The following BCAS3 variants were observed in gnomAD, a reference collection of about 807,000 sequenced individuals.
BCAS3 encodes BCAS3 microtubule associated cell migration factor.
In BCAS3, 53 loss-of-function variants were observed where a neutral mutation model predicts 116.1. The observed-to-expected ratio is 0.46, with a 90% CI of 0.37 to 0.57. The LOEUF is 0.57. Ranked by LOEUF, BCAS3 falls within the 20% of genes least tolerant of loss-of-function variation. BCAS3 has a pLI of 0.00. For synonymous variants in BCAS3, 391 were observed against 408.2 expected (o/e 0.96, Z 0.51); for missense variants, 917 against 1,165.4 (o/e 0.79, Z 3.10).
chr17:60,754,867 A>AACTG (rs71148314), intron 6 of BCAS3, among the ~76,000 whole-genome samples: 11 of 151,692 alleles, frequency 7.3e-5, no homozygotes, highest in Non-Finnish European at 7.4e-5. Flanking sequence ...TGGCTAAACT[A>AACTG]TGAGATTTAG....
intron 6 of BCAS3, among the ~76,000 whole-genome samples, chr17:60,775,579 T>C (rs1358599942): frequency 2.3e-5 from 1 of 42,742 alleles, no homozygotes; most frequent in Non-Finnish European, 3.7e-5. Context: ...TATTTCAGAA[T>C]TTCTTTTTTT....
Position 61,140,324 on chromosome 17 carries a change from A to G in BCAS3, c.2425+55760A>G, listed in dbSNP as rs1489557711. ...GTTTGCTTTGAATATATAGCAAAGG[A>G]TATGTGAGGGATAGCTGTGGAAGAT... is the stretch of plus-strand genomic sequence containing the variant. On this transcript the variant is annotated intron_variant, in intron 22 of 23. Transcript: ENST00000407086. This position sits in a 1 kb window ranked among gnomAD's most constrained non-coding sequence, Gnocchi z 4.2. 6.6e-6 allele frequency among the ~76,000 whole-genome samples: 1 copy of G among 152,184 alleles called. No homozygotes were observed. Among genetic ancestry groups the G allele is most frequent in the African/African-American group, 2.4e-5 (1 of 41,444 alleles).
intron 22 of BCAS3, among the ~76,000 whole-genome samples, chr17:61,157,289 A>G (rs893649356): frequency 6.6e-6 from 1 of 152,152 alleles, no homozygotes; most frequent in Non-Finnish European, 1.5e-5. Context: ...CAGGTATAAA[A>G]ATGTCTTTTA....
At position 61,249,577 on chromosome 17, in the gene BCAS3, T is replaced by G. The variant is rs1377877537; in HGVS notation, c.2426-118750T>G. ...AGAATTGTGTCTCTGGCTGAAGAAATAGTTTGTTTTAGGAACGCCAATACA... is the reference window on the plus strand; with the variant it reads ...AGAATTGTGTCTCTGGCTGAAGAAAGAGTTTGTTTTAGGAACGCCAATACA... On this transcript the variant is annotated intron_variant, in intron 22 of 23. Coordinates refer to ENST00000407086, the MANE Select transcript of BCAS3 (RefSeq NM_017679.5). The surrounding 1 kb of genome is among the most constrained non-coding windows in gnomAD (Gnocchi z 6.2). Among the ~76,000 whole-genome samples, 1 of 152,124 alleles carries G rather than the reference T, an allele frequency of 6.6e-6. No homozygotes were observed. Among genetic ancestry groups the G allele is most frequent in the African/African-American group, 2.4e-5 (1 of 41,414 alleles).
intron 22 of BCAS3, among the ~76,000 whole-genome samples, chr17:61,167,444 G>C (rs1304478667): frequency 6.6e-6 from 1 of 152,138 alleles, no homozygotes; most frequent in African/African-American, 2.4e-5. Context: ...TCTCTCACCT[G>C]AACTAACTCT....
At chr17:61,209,906 T>C (rs908015319) in intron 22 of BCAS3, among the ~76,000 whole-genome samples, 1 of 152,308 alleles carries the variant, frequency 6.6e-6, no homozygotes, top group East Asian at 1.9e-4. Context: ...CCGCCCAATA[T>C]TCGTCTTTTC....
At chr17:60,890,252 G>A (rs553409477) in intron 10 of BCAS3, among the ~76,000 whole-genome samples, 211 of 152,162 alleles carry the variant, frequency 1.4e-3, no homozygotes, top group African/African-American at 4.9e-3. Context: ...TCAGGAGTTC[G>A]AGACCAGCCT....
chr17:60,862,156 G>A (rs1403451939), intron 7 of BCAS3, among the ~76,000 whole-genome samples: 1 of 152,108 alleles, frequency 6.6e-6, no homozygotes, highest in Admixed American at 6.5e-5. Flanking sequence ...GGTGGCAAGC[G>A]CCTGTAGTCC....
intron 5 of BCAS3, among the ~76,000 whole-genome samples, chr17:60,718,254 T>G (rs138397198): frequency 8.4e-4 from 126 of 149,876 alleles, no homozygotes; most frequent in African/African-American, 3.0e-3. Flanking sequence ...TTTACTATAC[T>G]TTTTTTTTTC....
chr17:61,376,947 G>C lies in BCAS3; in HGVS notation c.2593+8453G>C, dbSNP rs2059367623. On this transcript the variant is annotated intron_variant, in intron 23 of 23. Transcript: ENST00000407086. The surrounding 1 kb of genome is among the most constrained non-coding windows in gnomAD (Gnocchi z 4.5). Reference sequence around the variant, plus strand: ...GCAGGGTCTCCATCGGTATCTGCCAGTTTCTTCCCCAATAGGCTGGAGAAA... The same window carrying C: ...GCAGGGTCTCCATCGGTATCTGCCACTTTCTTCCCCAATAGGCTGGAGAAA... Among the ~76,000 whole-genome samples the C allele has an allele frequency of 1.3e-5, 2 of 152,310 alleles. No homozygotes were observed. Among genetic ancestry groups the C allele is most frequent in the South Asian group, 4.1e-4 (2 of 4,830 alleles).
chr17:61,120,173 G>A (rs1023134561), intron 22 of BCAS3, among the ~76,000 whole-genome samples: 2 of 152,010 alleles, frequency 1.3e-5, no homozygotes, highest in African/African-American at 4.8e-5. Flanking sequence ...GAATTGCTAA[G>A]ATAACTTTTT....
chr17:61,067,273 G>GTATATATATATATATATATA (rs1199603635), intron 19 of BCAS3, among the ~76,000 whole-genome samples: 69 of 58,784 alleles, frequency 1.2e-3, no homozygotes, highest in South Asian at 2.7e-3. Context: ...GTGTGTATGT[G>GTATATATATATATATATATA]TATATATATA....
chr17:60,727,084 A>G (rs1361276377), intron 5 of BCAS3: 1 of 350,074 alleles, frequency 2.9e-6, no homozygotes, highest in Non-Finnish European at 5.2e-6. Context: ...TAAACATATC[A>G]CTGTATTTAT....
chr17:61,377,028 C>A lies in BCAS3; in HGVS notation c.2593+8534C>A, dbSNP rs1009669492. Among the ~76,000 whole-genome samples the A allele has an allele frequency of 1.3e-5, 2 of 152,180 alleles. No individual in the cohort carries two copies. The highest frequency in any genetic ancestry group is 4.8e-5 in the African/African-American group (2 of 41,440). ...GAGATTAAAGCCCCAGAGGAGGCCA[C>A]AATACTGAACGGTGGGTCTGTTTCT... On this transcript the variant is annotated intron_variant, in intron 23 of 23. Coordinates refer to ENST00000407086, the MANE Select transcript of BCAS3 (RefSeq NM_017679.5). This position sits in a 1 kb window ranked among gnomAD's most constrained non-coding sequence, Gnocchi z 4.6.
At chr17:61,194,081 C>T (rs1464596529) in intron 22 of BCAS3, among the ~76,000 whole-genome samples, 1 of 152,118 alleles carries the variant, frequency 6.6e-6, no homozygotes, top group African/African-American at 2.4e-5. Context: ...CGTGCCACTG[C>T]ACTCCAGCCT....
intron 22 of BCAS3, among the ~76,000 whole-genome samples, chr17:61,155,471 TA>T (rs1223074890): frequency 6.7e-6 from 1 of 148,380 alleles, no homozygotes; most frequent in Non-Finnish European, 1.5e-5. Flanking sequence ...TAATCAAGCT[TA>T]AATAACAGGT....
chr17:60,975,588 A>G (rs1359745108), intron 14 of BCAS3, among the ~76,000 whole-genome samples: 2 of 152,184 alleles, frequency 1.3e-5, no homozygotes, highest in African/African-American at 4.8e-5. Context: ...ATAATGTACA[A>G]TTCAGTAGTT....
intron 14 of BCAS3, among the ~76,000 whole-genome samples, chr17:60,949,097 G>A (rs2060690142): frequency 6.6e-6 from 1 of 151,880 alleles, no homozygotes; most frequent in Non-Finnish European, 1.5e-5. Flanking sequence ...GGCTGGTCTT[G>A]AACTCCTGAC....
chr17:60,746,843 T>C (rs2042049859), intron 5 of BCAS3, among the ~76,000 whole-genome samples: 1 of 152,182 alleles, frequency 6.6e-6, no homozygotes, highest in Non-Finnish European at 1.5e-5. Flanking sequence ...TGCTATAATA[T>C]TTAAGGTGAG....
Sources: gnomAD v4.1 joint callset for allele counts (sites outside exome capture counted in the v4.1 genomes callset) on GRCh38, gnomAD v4.1.1 for gene constraint, Gnocchi (gnomAD v3.1) non-coding constraint, MANE v1.5 for transcripts, NCBI Gene and HGNC (gene_info 2026-07-23, HGNC 2026-07-21) for gene names.